The following CNBD1 variants were observed in gnomAD, a reference collection of about 807,000 sequenced individuals.
CNBD1 encodes cyclic nucleotide-binding domain-containing protein 1.
In CNBD1, 71 loss-of-function variants were observed where a neutral mutation model predicts 54.4. The observed-to-expected ratio is 1.30, with a 90% CI of 1.08 to 1.59. The LOEUF is 1.59. CNBD1 is among the 40% of genes most tolerant of loss of function. CNBD1 has a pLI of 0.00. For missense variants in CNBD1, 659 were observed against 518.0 expected (o/e 1.27, Z -2.64); for synonymous variants, 182 against 170.7 (o/e 1.07, Z -0.51).
chr8:87,315,849 A>G (rs974615398), intron 8 of CNBD1, among the ~76,000 whole-genome samples: 3 of 152,086 alleles, frequency 2.0e-5, no homozygotes, highest in Non-Finnish European at 4.4e-5. Flanking sequence ...GGTAGCAGAG[A>G]AGATTTGGAA....
intron 4 of CNBD1, among the ~76,000 whole-genome samples, chr8:86,941,989 G>T (rs991710997): frequency 1.3e-5 from 2 of 152,166 alleles, no homozygotes; most frequent in African/African-American, 4.8e-5. Flanking sequence ...CCAGGACTTT[G>T]ACATGGCAAA....
chr8:87,301,739 A>G (rs1041416339), intron 8 of CNBD1, among the ~76,000 whole-genome samples: 9 of 152,204 alleles, frequency 5.9e-5, no homozygotes, highest in Non-Finnish European at 1.0e-4. Context: ...GTGATAGACC[A>G]CTAGCAAGAC....
intron 4 of CNBD1, among the ~76,000 whole-genome samples, chr8:87,171,537 C>CT (rs1406772943): frequency 2.0e-5 from 3 of 151,214 alleles, no homozygotes; most frequent in African/African-American, 4.8e-5. Context: ...TTTATTATTT[C>CT]TTTTTTTCTA....
rs144916737 is a variant in CNBD1, at chr8:87,261,915, G to A, written c.772-22763G>A. Among the ~76,000 whole-genome samples, 686 of 151,866 alleles carry A rather than the reference G, an allele frequency of 4.5e-3. 3 individuals are homozygous for A. Among genetic ancestry groups the A allele is most frequent in the South Asian group, 0.011 (53 of 4,818 alleles). On this transcript the variant is annotated intron_variant, in intron 6 of 10. Coordinates refer to ENST00000518476, the MANE Select transcript of CNBD1 (RefSeq NM_173538.3). Reference sequence around the variant, plus strand: ...AATCCCGGCACTTCGGGAGGCTGAGGCAGGGAGATTGCTTGAGCTCAGGAG... The same window carrying A: ...AATCCCGGCACTTCGGGAGGCTGAGACAGGGAGATTGCTTGAGCTCAGGAG...
chr8:87,036,247 G>A (rs956731039), intron 4 of CNBD1, among the ~76,000 whole-genome samples: 4 of 151,862 alleles, frequency 2.6e-5, no homozygotes, highest in Admixed American at 6.6e-5. Context: ...TTTCTTCCTC[G>A]TATTTTAAAA....
intron 4 of CNBD1, among the ~76,000 whole-genome samples, chr8:86,958,893 C>T (rs1807852333): frequency 6.6e-6 from 1 of 152,080 alleles, no homozygotes; most frequent in Non-Finnish European, 1.5e-5. Context: ...GGTTACTTTA[C>T]TCATTAGTTG....
chr8:86,981,539 A>G (rs1808488305), intron 4 of CNBD1, among the ~76,000 whole-genome samples: 1 of 152,178 alleles, frequency 6.6e-6, no homozygotes, highest in South Asian at 2.1e-4. Context: ...TTATATAACC[A>G]TCACCGCAAT....
intron 4 of CNBD1, among the ~76,000 whole-genome samples, chr8:86,946,395 G>A (rs1385436152): frequency 6.6e-6 from 1 of 151,986 alleles, no homozygotes; most frequent in African/African-American, 2.4e-5. Flanking sequence ...AAAAACAATT[G>A]TATCTTGATA....
chr8:87,426,296 G>A (rs2130997548), intron 2 of CNBD1, among the ~76,000 whole-genome samples: 1 of 152,300 alleles, frequency 6.6e-6, no homozygotes, highest in Middle Eastern at 3.4e-3. Context: ...GCTCAGGCTG[G>A]GAGCTGTAGA....
chr8:87,256,013 ATATTTTTTTTTT>A (rs1808014532), intron 6 of CNBD1, among the ~76,000 whole-genome samples: 1 of 18,174 alleles, frequency 5.5e-5, no homozygotes, highest in African/African-American at 3.0e-4. Context: ...ATATATATAT[ATATTTTTTTTTT>A]TTTTTTTTTT....
intron 6 of CNBD1, among the ~76,000 whole-genome samples, chr8:87,276,720 T>G (rs976365492): frequency 1.3e-5 from 2 of 151,812 alleles, no homozygotes; most frequent in African/African-American, 4.8e-5. Context: ...GGAACCAAGA[T>G]TAGAGTGGCT....
rs6150689 is a variant in CNBD1, at chr8:87,411,397, CATAT to C, written c.214-17122_214-17119del. ...ATAGGCAGGATTAACCTAGCTATAT[CATAT>C]ATATATATATATATATATATATATA... is the stretch of plus-strand genomic sequence containing the variant. On this transcript the variant is annotated intron_variant, in intron 2 of 7. Coordinates refer to the CNBD1 transcript ENST00000521593. 4.4e-3 allele frequency among the ~76,000 whole-genome samples: 403 copies of C among 92,400 alleles called. 8 individuals are homozygous for C. Among genetic ancestry groups the C allele is most frequent in the Middle Eastern group, 0.025 (4 of 160 alleles). 60.6% of individuals were successfully genotyped at this position (92,400 alleles called of 152,430 possible).
chr8:87,209,304 G>A (rs921654740), intron 5 of CNBD1, among the ~76,000 whole-genome samples: 9 of 151,924 alleles, frequency 5.9e-5, no homozygotes, highest in South Asian at 2.1e-4. Context: ...TGACACTAAA[G>A]GCAGACAAGT....
chr8:86,939,504 G>A, intron 3 of CNBD1, 92 bp from the exon 4 acceptor site: 1 of 821,854 alleles, frequency 1.2e-6, no homozygotes, highest in South Asian at 3.1e-5. Flanking sequence ...TCTCAAAACA[G>A]TGCATTTATA....
intron 2 of CNBD1, among the ~76,000 whole-genome samples, chr8:87,394,220 A>G (rs1811368920): frequency 6.6e-6 from 1 of 151,878 alleles, no homozygotes; most frequent in Admixed American, 6.6e-5. Context: ...GCTTAGTGAA[A>G]TAAAATAAGA....
intron 8 of CNBD1, among the ~76,000 whole-genome samples, chr8:87,288,333 T>G (rs2336986): frequency 0.74 from 112,541 of 151,806 alleles, 42,843 homozygotes; most frequent in African/African-American, 0.9. Context: ...TTCCCACTTT[T>G]TATCAGAAAT....
At chr8:87,274,219 C>T (rs957324555) in intron 6 of CNBD1, among the ~76,000 whole-genome samples, 16 of 150,820 alleles carry the variant, frequency 1.1e-4, no homozygotes, top group South Asian at 2.1e-4. Context: ...TGAATGGTGC[C>T]GCAATAAACA....
chr8:87,373,759 A>G (rs1810868086), intron 10 of CNBD1, among the ~76,000 whole-genome samples: 1 of 151,826 alleles, frequency 6.6e-6, no homozygotes, highest in Non-Finnish European at 1.5e-5. Context: ...CAAATGTTAT[A>G]TGAAGAAAAA....
intron 6 of CNBD1, among the ~76,000 whole-genome samples, chr8:87,264,685 G>A (rs369182567): frequency 3.3e-5 from 5 of 152,130 alleles, no homozygotes; most frequent in African/African-American, 7.2e-5. Context: ...TTTAGTGATC[G>A]CCATTCTAAC....
Sources: gnomAD v4.1 joint callset for allele counts (sites outside exome capture counted in the v4.1 genomes callset) on GRCh38, gnomAD v4.1.1 for gene constraint, MANE v1.5 for transcripts, NCBI Gene and HGNC (gene_info 2026-07-23, HGNC 2026-07-21) for gene names.